The following ADGRD1 variants were observed in gnomAD, a reference collection of about 807,000 sequenced individuals.
The protein encoded by ADGRD1 is adhesion G protein-coupled receptor D1.
ADGRD1 carries 77 observed loss-of-function variants against 113.4 expected under a neutral mutation model. That is an observed-to-expected ratio of 0.68 (90% CI 0.57 to 0.82). The LOEUF (loss-of-function observed/expected upper bound fraction) is 0.82, where lower values mean the gene tolerates loss of function less well. ADGRD1 is among the 40% of genes least tolerant of loss of function. The pLI is 0.00. For missense variants in ADGRD1, 1,036 were observed against 1,139.1 expected (o/e 0.91, Z 1.30); for synonymous variants, 474 against 475.0 (o/e 1.00, Z 0.03).
intron 18 of ADGRD1, among the ~76,000 whole-genome samples, chr12:131,115,026 G>C (rs1950431097): frequency 1.3e-5 from 2 of 152,082 alleles, no homozygotes; most frequent in Admixed American, 6.6e-5. Context: ...TTAGTTCCAG[G>C]CCCCCCCTTT....
intron 13 of ADGRD1, among the ~76,000 whole-genome samples, chr12:131,071,259 G>T (rs1320804629): frequency 7.3e-6 from 1 of 137,354 alleles, no homozygotes; most frequent in Admixed American, 7.1e-5. Flanking sequence ...GTGGAGCCAT[G>T]TACAAGGAGG....
intron 4 of ADGRD1, among the ~76,000 whole-genome samples, chr12:130,974,347 G>A (rs1041107614): frequency 2.0e-5 from 3 of 152,160 alleles, no homozygotes; most frequent in Non-Finnish European, 4.4e-5. Context: ...TATACTGGGC[G>A]CATCAGAAAC....
rs565780728 is a variant in ADGRD1, at chr12:130,966,935, A to C, written c.187+389A>C. The C allele has an allele frequency of 2.3e-6, 1 of 438,928 alleles. No homozygotes were observed. The highest frequency in any genetic ancestry group is 7.1e-5 in the East Asian group (1 of 14,026). The allele number at this position is 438,928 out of a possible 1,614,324, so 27.2% of individuals were successfully genotyped here. On this transcript the variant is annotated intron_variant, in intron 3 of 24. Coordinates refer to ENST00000261654, the MANE Select transcript of ADGRD1 (RefSeq NM_198827.5). This position sits in a 1 kb window ranked among gnomAD's most constrained non-coding sequence, Gnocchi z 4.6. ...GTGCCAGGCCACGAAGCATTTTACTAGAATTTTTATAGAGAGAGCTATTGC... is the reference window on the plus strand; with the variant it reads ...GTGCCAGGCCACGAAGCATTTTACTCGAATTTTTATAGAGAGAGCTATTGC...
intron 12 of ADGRD1, among the ~76,000 whole-genome samples, chr12:131,009,046 G>A (rs1053684002): frequency 1.3e-5 from 2 of 152,244 alleles, no homozygotes; most frequent in Admixed American, 6.5e-5. Flanking sequence ...GTTGCGGGGC[G>A]GGGGACCTCA....
At position 131,105,702 on chromosome 12, in the gene ADGRD1, G is replaced by A. The variant is rs977374562; in HGVS notation, c.1776-52G>A. ...TCGTGGGGCCAGGGAGCCCAGCCTG[G>A]GGGACTGGGTCGGCGCAGGGCCCAG... On this transcript the variant is annotated intron_variant, in intron 16 of 24. Transcript: ENST00000261654. The A allele has an allele frequency of 1.1e-5, 16 of 1,418,066 alleles. No homozygotes were observed. The African/African-American group carries it at 2.0e-4, about 17-fold the overall frequency. The allele number at this position is 1,418,066 out of a possible 1,614,324, so 87.8% of individuals were successfully genotyped here.
chr12:130,997,888 C>T (rs900166804), intron 8 of ADGRD1, among the ~76,000 whole-genome samples: 8 of 152,230 alleles, frequency 5.3e-5, no homozygotes, highest in South Asian at 2.1e-4. Context: ...GCCCAGATCA[C>T]GCCACTGCAC....
intron 5 of ADGRD1, 22 bp downstream of exon 5, chr12:130,982,085 G>A (rs188004338): frequency 4.5e-5 from 72 of 1,603,488 alleles, no homozygotes; most frequent in African/African-American, 1.1e-4. Flanking sequence ...CATCGGTCCC[G>A]GGAGGCTCTG....
At chr12:131,133,090 C>A (rs7958151) in intron 21 of ADGRD1, among the ~76,000 whole-genome samples, 51,019 of 151,814 alleles carry the variant, frequency 0.34, 8,857 homozygotes, top group South Asian at 0.5. Context: ...AGATCACGTC[C>A]TTTCCTCTTC....
At chr12:131,092,485 C>T (rs552757008) in intron 15 of ADGRD1, among the ~76,000 whole-genome samples, 4 of 152,282 alleles carry the variant, frequency 2.6e-5, no homozygotes, top group East Asian at 1.9e-4. Context: ...GGGCAGTGGT[C>T]GAGGAGCGTG....
chr12:130,992,646 CT>C (rs921228370), intron 8 of ADGRD1, among the ~76,000 whole-genome samples: 1 of 152,248 alleles, frequency 6.6e-6, no homozygotes. Flanking sequence ...CTGGTCCCCC[CT>C]GTGCAGCCAC....
rs892751423 is a variant in ADGRD1 at position 131,050,484 on chromosome 12, G to A, written c.1474-26317G>A. Among the ~76,000 whole-genome samples, 23 of 152,138 alleles carry A rather than the reference G, an allele frequency of 1.5e-4. No homozygotes were observed. Among genetic ancestry groups the A allele is most frequent in the Admixed American group, 3.9e-4 (6 of 15,284 alleles). On this transcript the variant is annotated intron_variant, in intron 13 of 24. Transcript: ENST00000261654. This position sits in a 1 kb window ranked among gnomAD's most constrained non-coding sequence, Gnocchi z 4.8. ...GGTTTAATTGCCTCACGGTTCTGCA[G>A]GGGGAACAGGAAGCATGGTGCTGAC...
At chr12:130,959,992 C>G (rs1292727409) in intron 2 of ADGRD1, among the ~76,000 whole-genome samples, 11 of 152,158 alleles carry the variant, frequency 7.2e-5, no homozygotes, top group Admixed American at 4.6e-4. Context: ...GGCCCCTCCC[C>G]ACATCTGGAA....
chr12:131,005,895 C>T lies in ADGRD1; in HGVS notation c.1256-77C>T, dbSNP rs914444965. 2.0e-5 allele frequency: 22 copies of T among 1,100,110 alleles called. 1 individual carries two copies. Among genetic ancestry groups the T allele is most frequent in the African/African-American group, 1.1e-4 (7 of 65,120 alleles). The allele number at this position is 1,100,110 out of a possible 1,614,324, so 68.1% of individuals were successfully genotyped here. On this transcript the variant is annotated intron_variant, in intron 11 of 24. Transcript: ENST00000261654. ...GAGTGAGGGGCAGCACCATGCATGG[C>T]GGGGCGTGGGGCTTTGTGTTTTTCC...
Position 130,971,270 on chromosome 12 carries a change from TTTAA to T in ADGRD1, c.188-184_188-181del, listed in dbSNP as rs1871607245. On this transcript the variant is annotated intron_variant, in intron 3 of 24. Coordinates refer to ENST00000261654, the MANE Select transcript of ADGRD1 (RefSeq NM_198827.5). The surrounding 1 kb of genome is among the most constrained non-coding windows in gnomAD (Gnocchi z 4.2). ...TGACATACACATTAATAATTTACAA[TTTAA>T]TTACTAATAATATTACTGATGCTAT... 3.6e-6 allele frequency: 1 copy of T among 279,798 alleles called. No homozygotes were observed. The highest frequency in any genetic ancestry group is 6.6e-6 in the Non-Finnish European group (1 of 151,922). 17.3% of individuals were successfully genotyped at this position (279,798 alleles called of 1,614,324 possible).
At chr12:131,109,556 A>G (rs1289996768) in intron 18 of ADGRD1, among the ~76,000 whole-genome samples, 1 of 151,966 alleles carries the variant, frequency 6.6e-6, no homozygotes, top group African/African-American at 2.4e-5. Flanking sequence ...ACTTTTTTCT[A>G]TTATTGATGT....
chr12:131,038,621 A>G (rs1881791139), intron 13 of ADGRD1, among the ~76,000 whole-genome samples: 1 of 152,200 alleles, frequency 6.6e-6, no homozygotes. Context: ...GGGTAGGTGG[A>G]CACTCATCAG....
At chr12:130,983,001 C>T (rs990218813) in intron 5 of ADGRD1, among the ~76,000 whole-genome samples, 1 of 152,164 alleles carries the variant, frequency 6.6e-6, no homozygotes, top group African/African-American at 2.4e-5. Context: ...CATTTTCTGG[C>T]TCATTCTTAA....
chr12:131,005,682 C>G (rs540469193), intron 11 of ADGRD1, among the ~76,000 whole-genome samples: 1 of 152,234 alleles, frequency 6.6e-6, no homozygotes, highest in Admixed American at 6.5e-5. Flanking sequence ...CCTGCAGGGG[C>G]TCTGAGACCG....
At chr12:131,132,187 T>C (rs1162465499) in intron 21 of ADGRD1, among the ~76,000 whole-genome samples, 2 of 152,162 alleles carry the variant, frequency 1.3e-5, no homozygotes, top group Non-Finnish European at 2.9e-5. Flanking sequence ...TCAGCGAGTT[T>C]AGCCCCTCAG....
Sources: gnomAD v4.1 joint callset for allele counts (sites outside exome capture counted in the v4.1 genomes callset) on GRCh38, gnomAD v4.1.1 for gene constraint, Gnocchi (gnomAD v3.1) non-coding constraint, MANE v1.5 for transcripts, NCBI Gene and HGNC (gene_info 2026-07-23, HGNC 2026-07-21) for gene names.